Variants in IQCH observed in about 807,000 individuals in gnomAD.
The protein encoded by IQCH is IQ domain-containing protein H.
A neutral mutation model predicts 117.0 loss-of-function variants in IQCH; 98 were observed. That is an observed-to-expected ratio of 0.84 (90% CI 0.71 to 0.99). The LOEUF (loss-of-function observed/expected upper bound fraction) is 0.99. Ranked by LOEUF, IQCH falls within the 50% of genes least tolerant of loss-of-function variation. IQCH has a pLI of 0.00. For missense variants in IQCH, 1,102 were observed against 1,243.8 expected (o/e 0.89, Z 1.72); for synonymous variants, 412 against 448.2 (o/e 0.92, Z 1.02).
At chr15:67,499,081 G>A (rs2083904761) in intron 20 of IQCH, among the ~76,000 whole-genome samples, 1 of 152,066 alleles carries the variant, frequency 6.6e-6, no homozygotes, top group Non-Finnish European at 1.5e-5. Flanking sequence ...AGGATCACTT[G>A]AGGCCAGGAG....
intron 8 of IQCH, chr15:67,371,570 A>G (rs755407535): frequency 1.6e-6 from 2 of 1,237,158 alleles, no homozygotes; most frequent in South Asian, 2.7e-5. Context: ...TGTAAAAATG[A>G]CCTCTGGATA....
At chr15:67,270,023 A>G (rs1390512866) in intron 3 of IQCH, among the ~76,000 whole-genome samples, 1 of 152,012 alleles carries the variant, frequency 6.6e-6, no homozygotes, top group African/African-American at 2.4e-5. Context: ...GCTGGGTCTT[A>G]TGGTAGTTCT....
At chr15:67,469,293 A>T (rs577740332) in intron 17 of IQCH, among the ~76,000 whole-genome samples, 1 of 152,202 alleles carries the variant, frequency 6.6e-6, no homozygotes, top group South Asian at 2.1e-4. Flanking sequence ...AAAATAAAGG[A>T]GGGCTACATG....
chr15:67,479,950 T>C lies in IQCH; in HGVS notation c.2799+4132T>C, dbSNP rs2083301397. 6.6e-6 allele frequency among the ~76,000 whole-genome samples: 1 copy of C among 152,238 alleles called. No homozygotes were observed. Among genetic ancestry groups the C allele is most frequent in the Non-Finnish European group, 1.5e-5 (1 of 68,040 alleles). On this transcript the variant is annotated intron_variant, in intron 18 of 20. Transcript: ENST00000335894. This position sits in a 1 kb window ranked among gnomAD's most constrained non-coding sequence, Gnocchi z 4.6. ...TGGGAAGGGAGCATTGCTGAGTTTG[T>C]AAGCAACTTGGTGGGTCTCATTCCG...
At chr15:67,361,886 C>T (rs908564192) in intron 8 of IQCH, among the ~76,000 whole-genome samples, 5 of 152,114 alleles carry the variant, frequency 3.3e-5, no homozygotes, top group African/African-American at 1.2e-4. Context: ...AATTGCCTGT[C>T]AGGAAATAAA....
At position 67,452,354 on chromosome 15, in the gene IQCH, G is replaced by A. The variant is rs183542749; in HGVS notation, c.2506-12773G>A. On this transcript the variant is annotated intron_variant, in intron 16 of 20. Coordinates refer to ENST00000335894, the MANE Select transcript of IQCH (RefSeq NM_001031715.3). ...TTACGATTTGGCATGTTTTTGCAGT[G>A]GCTGGTACTGGTTGTTCCTTTCCAT... Among the ~76,000 whole-genome samples the A allele has an allele frequency of 4.4e-3, 673 of 152,244 alleles. 6 individuals are homozygous for A. Among genetic ancestry groups the A allele is most frequent in the African/African-American group, 0.015 (640 of 41,526 alleles).
In IQCH at chr15:67,387,479, T is replaced by G. The variant is rs1042827297; in HGVS notation, c.1457-1352T>G. Reference sequence around the variant, plus strand: ...GGGAATATAAGAAATAGTACAAACATTGCCTTTAAGGAGCTTGGAAAGACA... The same window carrying G: ...GGGAATATAAGAAATAGTACAAACAGTGCCTTTAAGGAGCTTGGAAAGACA... On this transcript the variant is annotated intron_variant, in intron 11 of 20. Coordinates refer to ENST00000335894, the MANE Select transcript of IQCH (RefSeq NM_001031715.3). This position sits in a 1 kb window ranked among gnomAD's most constrained non-coding sequence, Gnocchi z 4.8. 6.6e-6 allele frequency among the ~76,000 whole-genome samples: 1 copy of G among 152,088 alleles called. No individual in the cohort carries two copies. The highest frequency in any genetic ancestry group is 2.4e-5 in the African/African-American group (1 of 41,408).
At position 67,373,442 on chromosome 15, in the gene IQCH, CTT is replaced by C; in HGVS notation, c.1372+12_1372+13del. 2 of 1,580,856 alleles carry C rather than the reference CTT, an allele frequency of 1.3e-6. No individual in the cohort carries two copies. Among genetic ancestry groups the C allele is most frequent in the Non-Finnish European group, 1.7e-6 (2 of 1,150,034 alleles). ...CCATATCCCATCATTAGGTATAACA[CTT>C]TTGCCTGCAAATCTATCAGCAACCT... On this transcript the variant is annotated intron_variant, in intron 10 of 20. Transcript: ENST00000335894.
chr15:67,441,597 A>T (rs1439366646), intron 16 of IQCH, among the ~76,000 whole-genome samples: 2 of 152,190 alleles, frequency 1.3e-5, no homozygotes, highest in Non-Finnish European at 2.9e-5. Context: ...CTTACAGCCA[A>T]CTAATCTTTG....
chr15:67,315,235 A>G (rs1567089504), intron 4 of IQCH, among the ~76,000 whole-genome samples: 1 of 152,226 alleles, frequency 6.6e-6, no homozygotes, highest in Non-Finnish European at 1.5e-5. Flanking sequence ...AAAGCTACAC[A>G]GAATCCAGTT....
At chr15:67,410,471 T>C (rs2081421388) in intron 14 of IQCH, among the ~76,000 whole-genome samples, 1 of 152,190 alleles carries the variant, frequency 6.6e-6, no homozygotes, top group African/African-American at 2.4e-5. Context: ...CTCAAGGCAA[T>C]AGGAAGAGAG....
At chr15:67,258,127 AG>A (rs1287808698) in intron 1 of IQCH, among the ~76,000 whole-genome samples, 1 of 151,856 alleles carries the variant, frequency 6.6e-6, no homozygotes, top group Non-Finnish European at 1.5e-5. Context: ...GCTACTTGGG[AG>A]GCTGAGGCAA....
chr15:67,434,462 A>G (rs896229471), intron 16 of IQCH, among the ~76,000 whole-genome samples: 3 of 152,310 alleles, frequency 2.0e-5, no homozygotes, highest in African/African-American at 7.2e-5. Flanking sequence ...ACATGCATAC[A>G]TATATACACA....
intron 16 of IQCH, among the ~76,000 whole-genome samples, chr15:67,437,266 C>T (rs1304400800): frequency 6.6e-6 from 1 of 152,152 alleles, no homozygotes; most frequent in Non-Finnish European, 1.5e-5. Context: ...CAATCCAGAG[C>T]CAGGTAGACT....
chr15:67,451,810 T>C (rs2082535399), intron 16 of IQCH, among the ~76,000 whole-genome samples: 1 of 152,188 alleles, frequency 6.6e-6, no homozygotes, highest in Admixed American at 6.5e-5. Flanking sequence ...ATCTGTCTAA[T>C]GTTGACAGTG....
At chr15:67,286,223 T>C (rs1966556755) in intron 4 of IQCH, among the ~76,000 whole-genome samples, 1 of 152,208 alleles carries the variant, frequency 6.6e-6, no homozygotes, top group African/African-American at 2.4e-5. Context: ...CTTGATTTCT[T>C]TTTCACATTG....
chr15:67,402,483 C>G (rs1971702055), intron 14 of IQCH, among the ~76,000 whole-genome samples: 1 of 152,282 alleles, frequency 6.6e-6, no homozygotes, highest in Middle Eastern at 3.4e-3. Context: ...TTCCAGAAGA[C>G]CATCGTAATG....
chr15:67,302,034 T>C (rs1967070942), intron 4 of IQCH, among the ~76,000 whole-genome samples: 1 of 152,118 alleles, frequency 6.6e-6, no homozygotes, highest in African/African-American at 2.4e-5. Context: ...GTTTTAACAG[T>C]GATTCTGTAT....
chr15:67,409,107 T>C (rs1224976421), intron 14 of IQCH, among the ~76,000 whole-genome samples: 1 of 152,148 alleles, frequency 6.6e-6, no homozygotes, highest in African/African-American at 2.4e-5. Context: ...TTAGCAGATG[T>C]TGAAGTAATT....
Sources: gnomAD v4.1 joint callset for allele counts (sites outside exome capture counted in the v4.1 genomes callset) on GRCh38, gnomAD v4.1.1 for gene constraint, Gnocchi (gnomAD v3.1) non-coding constraint, MANE v1.5 for transcripts, NCBI Gene and HGNC (gene_info 2026-07-23, HGNC 2026-07-21) for gene names.